The following ZFP64 variants were observed in gnomAD, a reference collection of about 807,000 sequenced individuals.
The protein encoded by ZFP64 is zinc finger protein 64.
In ZFP64, 14 loss-of-function variants were observed where a neutral mutation model predicts 51.6. The observed-to-expected ratio is 0.27, with a 90% confidence interval of 0.18 to 0.42. ZFP64 has a LOEUF of 0.42. Among genes scored for constraint, ZFP64 ranks in the 10% least tolerant of loss-of-function variants. ZFP64 has a pLI of 1.00. For missense variants in ZFP64, 754 were observed against 906.8 expected (o/e 0.83, Z 2.16); for synonymous variants, 375 against 361.4 (o/e 1.04, Z -0.43).
intron 5 of ZFP64, among the ~76,000 whole-genome samples, chr20:52,137,277 T>A (rs1451070410): frequency 2.6e-5 from 4 of 152,202 alleles, no homozygotes. Context: ...TCCACCTGAC[T>A]GGCTAGAATG....
intron 5 of ZFP64, chr20:52,105,262 C>A (rs925730624): frequency 1.5e-6 from 2 of 1,330,068 alleles, no homozygotes; most frequent in East Asian, 6.1e-5. Context: ...GCTCCCCGCG[C>A]GTCCCTAGGA....
chr20:52,152,965 G>A lies in ZFP64; in HGVS notation c.1227C>T (p.Gly409=). 6.2e-7 allele frequency: 1 copy of A among 1,613,768 alleles called. No individual in the cohort carries two copies. Among genetic ancestry groups the A allele is most frequent in the Non-Finnish European group, 8.5e-7 (1 of 1,180,030 alleles). The change falls in exon 6 of 6, where the codon GGC becomes GGT. Residue 409 remains glycine, a synonymous_variant. Coordinates refer to ENST00000216923, the MANE Select transcript of ZFP64 (RefSeq NM_018197.3). The part of the protein sequence containing the change: ...KTEALERKDT[G]RQSSRQVAKL... Reference sequence around the variant, plus strand: ...TGGCCACCTGCCGGCTGCTCTGCCTGCCGGTGTCCTTCCTCTCTAGAGCCT... The same window carrying A: ...TGGCCACCTGCCGGCTGCTCTGCCTACCGGTGTCCTTCCTCTCTAGAGCCT...
Position 52,110,529 on chromosome 20 carries a change from G to C in ZFP64, c.764-11942C>G, listed in dbSNP as rs752896459. 1.1e-5 allele frequency: 8 copies of C among 723,072 alleles called. 1 individual carries two copies. The highest frequency in any genetic ancestry group is 1.8e-5 in the Non-Finnish European group (7 of 395,664). 44.8% of individuals were successfully genotyped at this position (723,072 alleles called of 1,614,324 possible). Reference sequence around the variant, plus strand: ...TCCCTGTGATCTTCAGGTATTGCTCGGCCCAGTTCTTCTCAGTCTCCTTCA... The same window carrying C: ...TCCCTGTGATCTTCAGGTATTGCTCCGCCCAGTTCTTCTCAGTCTCCTTCA... On this transcript the variant is annotated intron_variant, in intron 5 of 8. Transcript: ENST00000361387.
rs145330065 is a variant in ZFP64, at chr20:52,152,465, T to C, written c.1727A>G (p.Gln576Arg). 491 of 1,613,312 alleles carry C rather than the reference T, an allele frequency of 3.0e-4. 4 individuals are homozygous for C. The highest frequency in any genetic ancestry group is 5.9e-5 in the Non-Finnish European group (70 of 1,179,774). Residue 576 changes from glutamine (Q) to arginine (R), a missense_variant, in exon 6 of 6, where the codon CAG becomes CGG. Gln to Arg is a conservative substitution (Grantham distance 43). Coordinates refer to ENST00000216923, the MANE Select transcript of ZFP64 (RefSeq NM_018197.3). ...QPAVLLTTHE[Q>R]TDGATLHQTL... The stretch of plus-strand genomic sequence containing the variant: ...CTGGTGCAGAGTGGCTCCGTCCGTC[T>C]GCTCGTGGGTGGTCAGCAGGACAGC...
At chr20:52,163,109 C>T (rs1981962832) in intron 4 of ZFP64, among the ~76,000 whole-genome samples, 1 of 152,100 alleles carries the variant, frequency 6.6e-6, no homozygotes, top group South Asian at 2.1e-4. Flanking sequence ...GCTTGTAATC[C>T]CAGCACTTTG....
chr20:52,112,825 C>T (rs1456053878), intron 5 of ZFP64, among the ~76,000 whole-genome samples: 3 of 151,894 alleles, frequency 2.0e-5, no homozygotes, highest in Admixed American at 6.6e-5. Flanking sequence ...CCATGTTGCC[C>T]AGGCTGGTCT....
In ZFP64 at chr20:52,135,575, G is replaced by A. The variant is rs141519573; in HGVS notation, c.763+24548C>T. 1.4e-3 allele frequency among the ~76,000 whole-genome samples: 217 copies of A among 151,890 alleles called. 1 individual carries two copies. Among genetic ancestry groups the A allele is most frequent in the African/African-American group, 5.1e-3 (210 of 41,466 alleles). On this transcript the variant is annotated intron_variant, in intron 5 of 8. Coordinates refer to the ZFP64 transcript ENST00000361387. ...GCTTACGGCTCACTGCAGCATTGAC[G>A]TCCTGGGCTCAAGTGATCTTCCCAC...
intron 7 of ZFP64, chr20:52,097,125 C>T (rs1367882669): frequency 1.3e-6 from 1 of 759,686 alleles, no homozygotes; most frequent in African/African-American, 1.7e-5. Flanking sequence ...AAAAAAAAAG[C>T]ACCTTTAAGA....
intron 7 of ZFP64, among the ~76,000 whole-genome samples, chr20:52,089,349 T>A (rs1415391660): frequency 6.6e-6 from 1 of 152,088 alleles, no homozygotes; most frequent in Non-Finnish European, 1.5e-5. Context: ...AAAATAAAAG[T>A]TCTAATAAGT....
At chr20:52,098,557 G>A (rs2079017052) in exon 6 of ZFP64, 3 of 1,614,016 alleles carry the variant, frequency 1.9e-6, no homozygotes, top group Non-Finnish European at 2.5e-6. Context: ...GAGGCAGTTT[G>A]CTTTTGGAAC....
chr20:52,098,701 T>TA (rs941479452), intron 5 of ZFP64: 226 of 1,420,614 alleles, frequency 1.6e-4, no homozygotes, highest in Middle Eastern at 7.6e-4. Context: ...AGAAAAAATT[T>TA]AAAAAAAATG....
intron 5 of ZFP64, among the ~76,000 whole-genome samples, chr20:52,100,481 A>C (rs980300536): frequency 8.6e-5 from 13 of 152,036 alleles, no homozygotes; most frequent in Non-Finnish European, 1.8e-4. Context: ...CCTGACCTCA[A>C]GTGATCCGCC....
intron 5 of ZFP64, among the ~76,000 whole-genome samples, chr20:52,136,349 T>C (rs1177901800): frequency 6.6e-6 from 1 of 152,106 alleles, no homozygotes; most frequent in Non-Finnish European, 1.5e-5. Context: ...GATTCCATAA[T>C]TGGGAAAGAA....
chr20:52,142,495 T>C (rs1980321808), intron 5 of ZFP64, among the ~76,000 whole-genome samples: 1 of 151,882 alleles, frequency 6.6e-6, no homozygotes, highest in Admixed American at 6.6e-5. Context: ...CTATGCAATA[T>C]ATCCATGTAA....
intron 5 of ZFP64, among the ~76,000 whole-genome samples, chr20:52,126,356 G>T (rs1215362166): frequency 6.6e-6 from 1 of 152,196 alleles, no homozygotes; most frequent in East Asian, 1.9e-4. Flanking sequence ...TTTCAACCCA[G>T]TTCTTTCTGA....
chr20:52,173,143 C>T (rs1555809716), intron 2 of ZFP64, among the ~76,000 whole-genome samples: 1 of 152,106 alleles, frequency 6.6e-6, no homozygotes, highest in Non-Finnish European at 1.5e-5. Flanking sequence ...TTGATATCTC[C>T]CTATCTAATT....
rs1036132866 is a variant in ZFP64 at position 52,182,102 on chromosome 20, G to A, written c.286+4730C>T. Among the ~76,000 whole-genome samples the A allele has an allele frequency of 1.2e-4, 18 of 152,134 alleles. 2 individuals are homozygous for A. Among genetic ancestry groups the A allele is most frequent in the South Asian group, 8.3e-4 (4 of 4,830 alleles). On this transcript the variant is annotated intron_variant, in intron 2 of 5. Transcript: ENST00000216923. ...TCTCAGGCCCTTTATGTGGATTATC[G>A]CAGAATTCTCACAATAACGCAATGA... is the stretch of plus-strand genomic sequence containing the variant.
chr20:52,136,965 A>G (rs1980013110), intron 5 of ZFP64, among the ~76,000 whole-genome samples: 1 of 152,098 alleles, frequency 6.6e-6, no homozygotes, highest in East Asian at 1.9e-4. Context: ...GGGTTTTGCC[A>G]TGTTGGCCAG....
At chr20:52,113,891 A>C (rs1160165108) in intron 5 of ZFP64, among the ~76,000 whole-genome samples, 2 of 152,176 alleles carry the variant, frequency 1.3e-5, no homozygotes, top group East Asian at 1.9e-4. Context: ...TGTGATCAAA[A>C]TACTGTGGTA....
Sources: allele counts gnomAD v4.1 joint callset (sites outside exome capture counted in the v4.1 genomes callset), GRCh38; gene constraint gnomAD v4.1.1; transcripts MANE v1.5; gene names NCBI Gene and HGNC (gene_info 2026-07-23, HGNC 2026-07-21).